PRUNE2: variants seen among roughly 807,000 people sequenced by gnomAD.
PRUNE2 encodes the protein protein prune homolog 2.
In PRUNE2, 164 loss-of-function variants were observed where a neutral mutation model predicts 252.0. The ratio of observed to expected loss-of-function variants is 0.65; its 90% CI spans 0.57 to 0.74. The LOEUF (loss-of-function observed/expected upper bound fraction) is 0.74, where lower values mean the gene tolerates loss of function less well. Ranked by LOEUF, PRUNE2 falls within the 30% of genes least tolerant of loss-of-function variation. PRUNE2 has a pLI of 0.00. For synonymous variants in PRUNE2, 1,292 were observed against 1,350.2 expected, an observed-to-expected ratio of 0.96 and a Z score of 0.94; for missense variants, 3,495 against 3,711.0, an observed-to-expected ratio of 0.94 and a Z score of 1.51.
rs1245101175 is a variant in PRUNE2, at chr9:76,611,819, A to G, written c.*2751T>C. The G allele has an allele frequency of 2.0e-5, 3 of 152,622 alleles. No homozygotes were observed. Among genetic ancestry groups the G allele is most frequent in the South Asian group, 4.1e-4 (2 of 4,828 alleles). The allele number at this position is 152,622 out of a possible 1,614,324, so 9.5% of individuals were successfully genotyped here. On this transcript the variant is annotated 3_prime_UTR_variant, in exon 19 of 19. Coordinates refer to ENST00000376718, the MANE Select transcript of PRUNE2 (RefSeq NM_015225.3). ...ACAAACTTTCTCACTCCTTGACACT[A>G]TCTTCTGTGCAAATTTCTGTTCTTT...
chr9:76,632,996 C>T (rs1436227427), intron 15 of PRUNE2, among the ~76,000 whole-genome samples: 1 of 150,818 alleles, frequency 6.6e-6, no homozygotes, highest in African/African-American at 2.4e-5. Context: ...CCGAGGCAGG[C>T]GGATCACTTG....
intron 6 of PRUNE2, among the ~76,000 whole-genome samples, chr9:76,732,256 G>A (rs113175464): frequency 0.054 from 8,237 of 152,256 alleles, 692 homozygotes; most frequent in African/African-American, 0.19. Flanking sequence ...GCAGTGAGCC[G>A]AGATAGTGCC....
intron 6 of PRUNE2, among the ~76,000 whole-genome samples, chr9:76,818,352 C>T (rs747806581): frequency 2.0e-5 from 3 of 152,168 alleles, no homozygotes; most frequent in South Asian, 2.1e-4. Context: ...CCTGAGTAAA[C>T]GTTCCCTTTT....
Position 76,781,814 on chromosome 9 carries a change from T to C in PRUNE2, c.756+41818A>G, listed in dbSNP as rs1451406690. 7.2e-5 allele frequency among the ~76,000 whole-genome samples: 11 copies of C among 152,368 alleles called. No homozygotes were observed. The East Asian group carries it at 1.9e-3, about 27-fold the overall frequency. On this transcript the variant is annotated intron_variant, in intron 6 of 18. Coordinates refer to ENST00000376718, the MANE Select transcript of PRUNE2 (RefSeq NM_015225.3). Reference sequence around the variant, plus strand: ...GGTGAATGTCTTGGTATTTCACCTTTCATCCTGCTGGACTCTAATTTCCTA... The same window carrying C: ...GGTGAATGTCTTGGTATTTCACCTTCCATCCTGCTGGACTCTAATTTCCTA...
chr9:76,690,492 AG>A (rs2044594747), intron 9 of PRUNE2, among the ~76,000 whole-genome samples: 1 of 152,220 alleles, frequency 6.6e-6, no homozygotes, highest in Non-Finnish European at 1.5e-5. Context: ...CTAGCTAGAA[AG>A]GGTGAAGTTA....
intron 9 of PRUNE2, among the ~76,000 whole-genome samples, chr9:76,696,976 C>G (rs3739521): frequency 6.6e-6 from 1 of 152,178 alleles, no homozygotes; most frequent in Non-Finnish European, 1.5e-5. Context: ...CACACTTTGC[C>G]TCCATCTTCG....
chr9:76,707,834 C>A lies in PRUNE2; in HGVS notation c.4440G>T (p.Gly1480=). The A allele has an allele frequency of 6.2e-7, 1 of 1,613,472 alleles. No homozygotes were observed. Among genetic ancestry groups the A allele is most frequent in the Non-Finnish European group, 8.5e-7 (1 of 1,179,692 alleles). ...NFLEPENVGG[G]PPHRVPRSLD... Reference sequence around the variant, plus strand: ...GACTTCGGGGAACTCTGTGAGGTGGCCCTCCACCCACGTTCTCTGGCTCTA... The same window carrying A: ...GACTTCGGGGAACTCTGTGAGGTGGACCTCCACCCACGTTCTCTGGCTCTA... Residue 1480 remains glycine, a synonymous_variant, in exon 8 of 19, where the codon GGG becomes GGT. Transcript: ENST00000376718.
Position 76,895,103 on chromosome 9 carries a change from T to C in PRUNE2, c.36+10825A>G, listed in dbSNP as rs115121206. 3.8e-3 allele frequency among the ~76,000 whole-genome samples: 579 copies of C among 152,296 alleles called. 4 individuals carry two copies. The highest frequency in any genetic ancestry group is 0.013 in the African/African-American group (528 of 41,564). On this transcript the variant is annotated intron_variant, in intron 1 of 18. Transcript: ENST00000376718. The stretch of plus-strand genomic sequence containing the variant: ...AAAAAGCCACTCATCCTAAAAGTCC[T>C]GTTTTTTCAACTGAGGGGAAGAAAT...
chr9:76,789,055 C>T (rs1222435426), intron 6 of PRUNE2, among the ~76,000 whole-genome samples: 1 of 152,152 alleles, frequency 6.6e-6, no homozygotes, highest in Non-Finnish European at 1.5e-5. Context: ...TTTCTTCAGC[C>T]TCCACCCTCA....
At chr9:76,859,686 CTTGT>C (rs35532918) in intron 1 of PRUNE2, among the ~76,000 whole-genome samples, 41,380 of 150,198 alleles carry the variant, frequency 0.28, 6,027 homozygotes, top group African/African-American at 0.37. Flanking sequence ...GGCTAGGGTG[CTTGT>C]TTGTTTGTTT....
chr9:76,650,623 A>G (rs1368927070), intron 11 of PRUNE2, among the ~76,000 whole-genome samples: 1 of 152,208 alleles, frequency 6.6e-6, no homozygotes, highest in East Asian at 1.9e-4. Context: ...CTCTGACTAT[A>G]TATCTTTCAT....
rs761758657 is a variant in PRUNE2 at position 76,704,115 on chromosome 9, G to A, written c.7514-16C>T. 1 of 1,556,550 alleles carries A rather than the reference G, an allele frequency of 6.4e-7. No individual in the cohort carries two copies. The highest frequency in any genetic ancestry group is 1.9e-5 in the Admixed American group (1 of 51,578). ...TTGCTGGCACCTAGAAGTGGAAGTT[G>A]AAAGTGAGAAGAGGAGAAAAAGGTT... is the stretch of plus-strand genomic sequence containing the variant. On this transcript the variant is annotated splice_polypyrimidine_tract_variant and intron_variant, in intron 8 of 18. Coordinates refer to ENST00000376718, the MANE Select transcript of PRUNE2 (RefSeq NM_015225.3).
At chr9:76,837,808 G>T (rs1427017834) in intron 4 of PRUNE2, among the ~76,000 whole-genome samples, 24 of 139,936 alleles carry the variant, frequency 1.7e-4, no homozygotes, top group African/African-American at 6.5e-4. Context: ...GTCTTGCTCT[G>T]TCGCCCAGGC....
chr9:76,863,250 A>G (rs1005045477), intron 1 of PRUNE2: 1 of 152,194 alleles, frequency 6.6e-6, no homozygotes, highest in Non-Finnish European at 1.5e-5. Flanking sequence ...AGAAAGTTAT[A>G]GAAATTTACC....
At chr9:76,657,392 T>C (rs951275540) in intron 9 of PRUNE2, among the ~76,000 whole-genome samples, 2 of 152,228 alleles carry the variant, frequency 1.3e-5, no homozygotes, top group African/African-American at 4.8e-5. Context: ...GCACACAGGA[T>C]GTGGGCCTTG....
At chr9:76,653,383 A>C (rs1787598687) in intron 10 of PRUNE2, among the ~76,000 whole-genome samples, 2 of 152,198 alleles carry the variant, frequency 1.3e-5, no homozygotes, top group South Asian at 4.1e-4. Flanking sequence ...TAACCCATGC[A>C]CATCCTTCTG....
intron 11 of PRUNE2, among the ~76,000 whole-genome samples, chr9:76,649,789 G>T (rs1432429614): frequency 1.3e-5 from 2 of 152,092 alleles, no homozygotes; most frequent in Non-Finnish European, 2.9e-5. Context: ...AAGACCAATT[G>T]AATATATTTG....
intron 4 of PRUNE2, among the ~76,000 whole-genome samples, chr9:76,837,788 T>C (rs1353291748): frequency 6.6e-6 from 1 of 151,282 alleles, no homozygotes; most frequent in Non-Finnish European, 1.5e-5. Context: ...TTTTTTTTTT[T>C]TGAGACGGAG....
At chr9:76,813,562 G>T (rs2057495276) in intron 6 of PRUNE2, among the ~76,000 whole-genome samples, 1 of 152,182 alleles carries the variant, frequency 6.6e-6, no homozygotes, top group African/African-American at 2.4e-5. Flanking sequence ...CAGCAAAGAA[G>T]TCACTTATAT....
Sources: allele counts gnomAD v4.1 joint callset (sites outside exome capture counted in the v4.1 genomes callset), GRCh38; gene constraint gnomAD v4.1.1; transcripts MANE v1.5; gene names NCBI Gene and HGNC (gene_info 2026-07-23, HGNC 2026-07-21).